The following ANAPC2 variants were observed in gnomAD, a reference collection of about 807,000 sequenced individuals.
ANAPC2 encodes the protein anaphase promoting complex subunit 2.
A neutral mutation model predicts 84.3 loss-of-function variants in ANAPC2; 29 were observed. The observed-to-expected ratio is 0.34, with a 90% CI of 0.26 to 0.47. The LOEUF (loss-of-function observed/expected upper bound fraction) is 0.47, where lower values mean the gene tolerates loss of function less well. ANAPC2 is among the 20% of genes least tolerant of loss of function. The probability of loss-of-function intolerance (pLI) is 1.00; values close to 1 mark genes in which losing one functional copy is unlikely to be tolerated. For synonymous variants in ANAPC2, 571 were observed against 479.4 expected, an observed-to-expected ratio of 1.19 and a Z score of -2.50; for missense variants, 857 against 1,131.7, an observed-to-expected ratio of 0.76 and a Z score of 3.48.
At chr9:137,179,821 C>G (rs905873942) in intron 10 of ANAPC2, among the ~76,000 whole-genome samples, 2 of 152,224 alleles carry the variant, frequency 1.3e-5, no homozygotes, top group African/African-American at 4.8e-5. Flanking sequence ...CACCCCAAGC[C>G]CCGGTTCTGA....
chr9:137,176,116 G>C (rs985239009), intron 10 of ANAPC2: 12 of 374,924 alleles, frequency 3.2e-5, no homozygotes, highest in African/African-American at 2.0e-4. Context: ...TTTGCAAACA[G>C]GGTTGATGCA....
At chr9:137,187,256 G>T in intron 2 of ANAPC2, 1 of 597,924 alleles carries the variant, frequency 1.7e-6, no homozygotes. Context: ...AGCCACATAG[G>T]GCCTTACCAG....
At position 137,183,134 on chromosome 9, in the gene ANAPC2, C is replaced by T. The variant is rs372127262; in HGVS notation, c.1277G>A (p.Arg426His). The change falls in exon 6 of 13, where the codon CGC (arginine) becomes CAC (histidine). Residue 426 changes from arginine to histidine, a missense_variant. Arg to His is a conservative substitution (Grantham distance 29). Transcript: ENST00000323927. ...CAGCTGCAGCCCTCACCTCAGGTAGCGGCGGATAGGCTCACAGGCCACCTC... is the reference window on the plus strand; with the variant it reads ...CAGCTGCAGCCCTCACCTCAGGTAGTGGCGGATAGGCTCACAGGCCACCTC... Reference protein sequence around the residue: ...ILEVACEPIRRYLRTREDTVR... With the variant: ...ILEVACEPIRHYLRTREDTVR... 7.1e-5 allele frequency: 115 copies of T among 1,612,102 alleles called. No individual in the cohort carries two copies. Among genetic ancestry groups the T allele is most frequent in the African/African-American group, 9.3e-5 (7 of 74,894 alleles).
chr9:137,177,032 C>T (rs1834235419), intron 10 of ANAPC2: 3 of 152,204 alleles, frequency 2.0e-5, no homozygotes, highest in African/African-American at 7.2e-5. Flanking sequence ...GAGGTGTGAC[C>T]TGTGTATCCA....
chr9:137,186,170 A>G, intron 3 of ANAPC2, 54 bp downstream of exon 3: 1 of 1,593,960 alleles, frequency 6.3e-7, no homozygotes, highest in East Asian at 2.3e-5. Flanking sequence ...CAGGTTTGCC[A>G]GAAACCTACT....
In ANAPC2 at chr9:137,188,480, T is replaced by C. The variant is rs1176503848; in HGVS notation, c.53A>G (p.Gln18Arg). ...GGTGTTCCAGGCCACTAACAACTCC[T>C]GTCCGGGCCGGGAGTCGCTGTCCCC... ...AEGDSDSRPG[Q>R]ELLVAWNTVS... Residue 18 changes from glutamine (Q) to arginine (R), a missense_variant, in exon 1 of 13, where the codon CAG (glutamine) becomes CGG (arginine). Around this residue, in one of 3 missense-constraint regions of ANAPC2, gnomAD observed 428 missense variants for 513.8 expected, o/e 0.83. Transcript: ENST00000323927. 1 of 1,610,304 alleles carries C rather than the reference T, an allele frequency of 6.2e-7. No homozygotes were observed. Among genetic ancestry groups the C allele is most frequent in the Admixed American group, 1.7e-5 (1 of 59,936 alleles).
rs1169123996 is a variant in ANAPC2 at position 137,183,748 on chromosome 9, G to A, written c.1092C>T (p.Cys364=). 1.2e-6 allele frequency: 2 copies of A among 1,613,340 alleles called. No homozygotes were observed. The highest frequency in any genetic ancestry group is 8.5e-7 in the Non-Finnish European group (1 of 1,179,940). Residue 364 remains cysteine (C), a synonymous_variant, in exon 5 of 13, where the codon TGC becomes TGT. Transcript: ENST00000323927. ...SRPAIEDLKY[C]LERTDQRQQL... ...GCTGCCTCTGGTCCGTCCTCTCCAGGCAGTACTTGAGGTCCTCGATGGCTG... is the reference window on the plus strand; with the variant it reads ...GCTGCCTCTGGTCCGTCCTCTCCAGACAGTACTTGAGGTCCTCGATGGCTG...
At chr9:137,176,637 G>C (rs1455415200) in intron 10 of ANAPC2, 1 of 152,290 alleles carries the variant, frequency 6.6e-6, no homozygotes, top group East Asian at 1.9e-4. Context: ...CGCCGTCTTG[G>C]AGAATGCACA....
rs28624882 is a variant in ANAPC2 at position 137,186,399 on chromosome 9, G to A, written c.741-43C>T. On this transcript the variant is annotated intron_variant, in intron 2 of 12. Transcript: ENST00000323927. ...CCATGGGGCACCCAGAGCACACACCGGCCCCTCTAGCCCAGAACAGCCCCA... is the reference window on the plus strand; with the variant it reads ...CCATGGGGCACCCAGAGCACACACCAGCCCCTCTAGCCCAGAACAGCCCCA... 1,002 of 1,550,192 alleles carry A rather than the reference G, an allele frequency of 6.5e-4. 5 individuals are homozygous for A. In the African/African-American group the frequency reaches 0.012, roughly 19 times the overall value.
chr9:137,186,094 T>A, intron 3 of ANAPC2, 130 bp downstream of exon 3: 2 of 1,349,370 alleles, frequency 1.5e-6, no homozygotes, highest in Non-Finnish European at 2.0e-6. Flanking sequence ...TCAAGACAGC[T>A]CCAGCCACCA....
At chr9:137,180,089 A>G (rs1050804202) in intron 10 of ANAPC2, 92 bp downstream of exon 10, 2 of 1,403,326 alleles carry the variant, frequency 1.4e-6, no homozygotes, top group Middle Eastern at 2.2e-4. Context: ...CTCGGGTGAC[A>G]ACGGGGCAGC....
chr9:137,181,629 T>C, intron 7 of ANAPC2, 52 bp downstream of exon 7: 1 of 1,512,370 alleles, frequency 6.6e-7, no homozygotes, highest in Non-Finnish European at 8.9e-7. Flanking sequence ...GCGGACGGCC[T>C]GGCTGAAGCG....
At chr9:137,180,985 C>T (rs564595502) in intron 7 of ANAPC2, 56 bp from the exon 8 acceptor site, 251 of 1,589,906 alleles carry the variant, frequency 1.6e-4, no homozygotes, top group Middle Eastern at 8.8e-4. Flanking sequence ...AGGACAGGGC[C>T]GCCCTCCTCC....
chr9:137,175,197 G>C, intron 12 of ANAPC2, 40 bp downstream of exon 12: 1 of 1,602,976 alleles, frequency 6.2e-7, no homozygotes, highest in East Asian at 2.3e-5. Flanking sequence ...TGCAGGCCTC[G>C]CCCCCGCCCC....
chr9:137,180,520 G>A lies in ANAPC2; in HGVS notation c.1618C>T (p.Arg540Cys), dbSNP rs1436223984. 3 of 1,613,010 alleles carry A rather than the reference G, an allele frequency of 1.9e-6. No homozygotes were observed. The highest frequency in any genetic ancestry group is 1.7e-5 in the Admixed American group (1 of 60,026). The change falls in exon 9 of 13, where the codon CGC (arginine) becomes TGC (cysteine). Residue 540 changes from arginine to cysteine, a missense_variant. By Grantham distance (180) the Arg-to-Cys change is radical (BLOSUM62 -3). Transcript: ENST00000323927. ...QFSFSPEREI[R>C]NVELLKLRFG... ...CGCAGCTTCAGCAGCTCCACGTTGCGGATCTCCCTGGAAAGACGAGTGTCT... is the reference window on the plus strand; with the variant it reads ...CGCAGCTTCAGCAGCTCCACGTTGCAGATCTCCCTGGAAAGACGAGTGTCT...
At chr9:137,176,018 G>A (rs1167523121) in intron 10 of ANAPC2, 181 bp from the exon 11 acceptor site, 2 of 698,644 alleles carry the variant, frequency 2.9e-6, no homozygotes, top group African/African-American at 2.0e-5. Flanking sequence ...CAGCCACCAT[G>A]GAAGGGCAAT....
intron 2 of ANAPC2, chr9:137,187,037 C>A: frequency 5.5e-6 from 1 of 182,772 alleles, no homozygotes; most frequent in Middle Eastern, 2.6e-3. Context: ...AAACCCCTCT[C>A]CTCTCCAAAC....
Position 137,180,942 on chromosome 9 carries a change from G to C in ANAPC2, c.1469-13C>G. On this transcript the variant is annotated splice_polypyrimidine_tract_variant and intron_variant, in intron 7 of 12. Coordinates refer to ENST00000323927, the MANE Select transcript of ANAPC2 (RefSeq NM_013366.4). ...GAGCTCGACTTCCCTGGCATGGTGG[G>C]GGCAGGGGTGTCACCTGACAGGCAC... 6.2e-7 allele frequency: 1 copy of C among 1,611,424 alleles called. No individual in the cohort carries two copies.
intron 4 of ANAPC2, 63 bp downstream of exon 4, chr9:137,184,850 G>A (rs990074499): frequency 7.2e-5 from 113 of 1,576,610 alleles, no homozygotes; most frequent in Middle Eastern, 1.7e-4. Flanking sequence ...GAGGAGACAC[G>A]GGGAAGGCCC....
Sources: gnomAD v4.1 joint callset for allele counts (sites outside exome capture counted in the v4.1 genomes callset) on GRCh38, gnomAD v4.1.1 for gene constraint, gnomAD v4.1.1 regional missense constraint, MANE v1.5 for transcripts, NCBI Gene and HGNC (gene_info 2026-07-23, HGNC 2026-07-21) for gene names.